Variants in ZNF383 observed in about 807,000 individuals in gnomAD.
ZNF383 encodes zinc finger protein 383.
ZNF383 carries 32 observed loss-of-function variants against 44.2 expected under a neutral mutation model. That is an observed-to-expected ratio of 0.72 (90% CI 0.55 to 0.97). The LOEUF (loss-of-function observed/expected upper bound fraction) is 0.97. Ranked by LOEUF, ZNF383 falls within the 50% of genes least tolerant of loss-of-function variation. The pLI is 0.00. For synonymous variants in ZNF383, 155 were observed against 186.2 expected (o/e 0.83, Z 1.36); for missense variants, 487 against 562.5 (o/e 0.87, Z 1.36).
chr19:37,236,009 C>G lies in ZNF383; in HGVS notation c.167C>G (p.Ser56Cys), dbSNP rs376350636. The change falls in exon 5 of 6, where the codon TCC (serine) becomes TGC (cysteine). Residue 56 changes from serine (S) to cysteine (C), a missense_variant. Ser to Cys is a moderately radical substitution (Grantham distance 112, BLOSUM62 -1). Transcript: ENST00000684119. ...GLYTPKPQVISLLEQGKEPWM... is the reference protein window; with the variant it reads ...GLYTPKPQVICLLEQGKEPWM... ...TACACTCCTAAGCCTCAAGTGATCT[C>G]CTTATTGGAACAAGGGAAAGAGCCC... is the stretch of plus-strand genomic sequence containing the variant. 6 of 1,613,782 alleles carry G rather than the reference C, an allele frequency of 3.7e-6. No individual in the cohort carries two copies. Among genetic ancestry groups the G allele is most frequent in the Non-Finnish European group, 5.1e-6 (6 of 1,179,858 alleles).
chr19:37,219,029 A>G (rs998558294), intron 1 of ZNF383, among the ~76,000 whole-genome samples: 1 of 152,020 alleles, frequency 6.6e-6, no homozygotes, highest in African/African-American at 2.4e-5. Context: ...TAGATGTGGG[A>G]CAATGATTGT....
chr19:37,221,357 A>AGATT (rs1194352787), intron 1 of ZNF383, among the ~76,000 whole-genome samples: 214 of 147,822 alleles, frequency 1.4e-3, no homozygotes, highest in Non-Finnish European at 1.8e-4. Flanking sequence ...CCTACTGGGC[A>AGATT]GATTGCTTGA....
chr19:37,236,953 G>A (rs1391605695), intron 5 of ZNF383, among the ~76,000 whole-genome samples: 1 of 95,576 alleles, frequency 1.0e-5, no homozygotes, highest in East Asian at 3.0e-4. Context: ...ACACACATGT[G>A]AACACACACA....
At chr19:37,218,443 C>T (rs1972774243) in intron 1 of ZNF383, 169 bp downstream of exon 1, 1 of 152,912 alleles carries the variant, frequency 6.5e-6, no homozygotes, top group African/African-American at 2.4e-5. Flanking sequence ...GACTGTGCCT[C>T]TCTGTGTGCG....
chr19:37,246,348 G>GAAACACA lies in ZNF383; in HGVS notation c.*2690_*2691insAAAACAC, dbSNP rs1359884385. 6.6e-6 allele frequency: 1 copy of GAAACACA among 152,182 alleles called. No individual in the cohort carries two copies. Among genetic ancestry groups the GAAACACA allele is most frequent in the Non-Finnish European group, 1.5e-5 (1 of 68,032 alleles). 9.4% of individuals were successfully genotyped at this position (152,182 alleles called of 1,614,324 possible). A position where few individuals can be genotyped will look rare whatever the true frequency, so the allele number is the denominator to read the frequency against. ...ATTTGTAATTCATGGTGGAAAAAGA[G>GAAACACA]AAACACTTGTAATGAGTATAACGAA... is the stretch of plus-strand genomic sequence containing the variant. On this transcript the variant is annotated 3_prime_UTR_variant, in exon 6 of 6. Coordinates refer to ENST00000684119, the MANE Select transcript of ZNF383 (RefSeq NM_001387601.1).
intron 2 of ZNF383, 97 bp from the exon 3 acceptor site, chr19:37,230,312 C>A: frequency 1.3e-6 from 1 of 771,628 alleles, no homozygotes; most frequent in Non-Finnish European, 2.2e-6. Context: ...ATCTCAAGAC[C>A]AAGAAATATG....
intron 2 of ZNF383, chr19:37,226,382 A>C (rs909196546): frequency 2.6e-5 from 4 of 152,070 alleles, no homozygotes; most frequent in East Asian, 3.9e-4. Context: ...ATTAGGGTTC[A>C]CTCCTGGTGT....
At chr19:37,223,223 G>T (rs1233743261) in intron 1 of ZNF383, among the ~76,000 whole-genome samples, 2 of 152,162 alleles carry the variant, frequency 1.3e-5, no homozygotes, top group South Asian at 2.1e-4. Context: ...GATATGTATA[G>T]AACAGTGTAC....
At chr19:37,225,791 ATT>A (rs375895708) in intron 2 of ZNF383, among the ~76,000 whole-genome samples, 3 of 143,830 alleles carry the variant, frequency 2.1e-5, no homozygotes, top group Admixed American at 1.4e-4. Context: ...TTCAGTTTAA[ATT>A]TTTTTTTTTT....
At chr19:37,222,176 C>T (rs911246121) in intron 1 of ZNF383, among the ~76,000 whole-genome samples, 1 of 151,026 alleles carries the variant, frequency 6.6e-6, no homozygotes, top group Non-Finnish European at 1.5e-5. Context: ...TTTTTTTTTC[C>T]TACTGTCAGT....
chr19:37,220,571 G>T (rs11670550), intron 1 of ZNF383, among the ~76,000 whole-genome samples: 2,622 of 58,878 alleles, frequency 0.045, 51 homozygotes, highest in African/African-American at 0.2. Flanking sequence ...TTTTTTTTTT[G>T]TTGTTGTTTA....
rs947066644 is a variant in ZNF383, at chr19:37,243,866, T to A, written c.*202T>A. On this transcript the variant is annotated 3_prime_UTR_variant, in exon 6 of 6. Transcript: ENST00000684119. ...ATACCGATGCCAGCTGTTCTATAAT[T>A]CTTTCATTCATTGTTTTGTTCTACT... 4.5e-6 allele frequency: 2 copies of A among 446,370 alleles called. No individual in the cohort carries two copies. The allele number at this position is 446,370 out of a possible 1,614,324, so 27.7% of individuals were successfully genotyped here.
chr19:37,230,767 G>C (rs1475929817), intron 3 of ZNF383, among the ~76,000 whole-genome samples: 4 of 152,204 alleles, frequency 2.6e-5, no homozygotes, highest in African/African-American at 9.6e-5. Context: ...TTTGTAAAAT[G>C]AAGTTACCCT....
intron 2 of ZNF383, among the ~76,000 whole-genome samples, chr19:37,229,803 T>TA (rs1555782563): frequency 0.29 from 20,969 of 73,402 alleles, 1,763 homozygotes; most frequent in Non-Finnish European, 0.31. Context: ...TATATATATA[T>TA]TTTTTTTTTT....
At chr19:37,229,120 C>T (rs920091702) in intron 2 of ZNF383, among the ~76,000 whole-genome samples, 6 of 149,328 alleles carry the variant, frequency 4.0e-5, no homozygotes. Context: ...AAAACAGCCT[C>T]ACCTTTTGGC....
chr19:37,225,196 AG>A (rs1218812332), intron 2 of ZNF383: 2 of 151,916 alleles, frequency 1.3e-5, no homozygotes, highest in African/African-American at 4.8e-5. Context: ...CCCAGGTTCA[AG>A]TGATCTCCTG....
At chr19:37,236,787 C>G (rs1482171697) in intron 5 of ZNF383, among the ~76,000 whole-genome samples, 2 of 152,026 alleles carry the variant, frequency 1.3e-5, no homozygotes, top group African/African-American at 4.8e-5. Context: ...CCAGGCTGTT[C>G]TTGAACTCCT....
At position 37,236,047 on chromosome 19, in the gene ZNF383, A is replaced by G; in HGVS notation, c.205A>G (p.Arg69Gly). The G allele has an allele frequency of 2.5e-6, 4 of 1,613,932 alleles. No homozygotes were observed. The South Asian group carries it at 3.3e-5, about 13-fold the overall frequency. Residue 69 changes from arginine (R) to glycine (G), a missense_variant, in exon 5 of 6, where the codon AGA becomes GGA. By Grantham distance (125) the Arg-to-Gly change is moderately radical. Coordinates refer to ENST00000684119, the MANE Select transcript of ZNF383 (RefSeq NM_001387601.1). ...AGGGAAAGAGCCCTGGATGGTTGGCAGAGAGCTTACAAGAGGCCTGTGTTC... is the reference window on the plus strand; with the variant it reads ...AGGGAAAGAGCCCTGGATGGTTGGCGGAGAGCTTACAAGAGGCCTGTGTTC... ...EQGKEPWMVG[R>G]ELTRGLCSDL...
chr19:37,219,365 C>G (rs1261429906), intron 1 of ZNF383: 1 of 152,652 alleles, frequency 6.6e-6, no homozygotes, highest in African/African-American at 2.4e-5. Context: ...AAGCAATTCT[C>G]CTGCCTCAGC....
Sources: gnomAD v4.1 joint callset for allele counts (sites outside exome capture counted in the v4.1 genomes callset) on GRCh38, gnomAD v4.1.1 for gene constraint, MANE v1.5 for transcripts, NCBI Gene and HGNC (gene_info 2026-07-23, HGNC 2026-07-21) for gene names.